ECHS1: variants seen among roughly 807,000 people sequenced by gnomAD.
ECHS1 encodes the protein enoyl-CoA hydratase, short chain 1.
ECHS1 carries 19 observed loss-of-function variants against 33.5 expected under a neutral mutation model. The ratio of observed to expected loss-of-function variants is 0.57; its 90% CI spans 0.40 to 0.83. The LOEUF is 0.83. Among genes scored for constraint, ECHS1 ranks in the 40% least tolerant of loss-of-function variants. The pLI is 0.00. For synonymous variants in ECHS1, 158 were observed against 146.6 expected (o/e 1.08, Z -0.56); for missense variants, 365 against 381.3 (o/e 0.96, Z 0.36).
At chr10:133,370,386 AC>A (rs1849087692) in intron 2 of ECHS1, among the ~76,000 whole-genome samples, 173 bp downstream of exon 2, 1 of 152,236 alleles carries the variant, frequency 6.6e-6, no homozygotes, top group Admixed American at 6.5e-5. Context: ...TCTGGCATAC[AC>A]AAAGCTGCTC....
chr10:133,368,781 C>T, intron 4 of ECHS1, 142 bp downstream of exon 4: 2 of 709,140 alleles, frequency 2.8e-6, no homozygotes, highest in Non-Finnish European at 2.3e-6. Context: ...GCCTCCGTGG[C>T]TGTCCACAGA....
Position 133,362,915 on chromosome 10 carries a change from T to A in ECHS1, c.826A>T (p.Met276Leu). ...TTTCTCTTTTCCACAAACGCGGTCATCCCTTCTTTCCGGTCATCCTGGCAG... is the reference window on the plus strand; with the variant it reads ...TTTCTCTTTTCCACAAACGCGGTCAACCCTTCTTTCCGGTCATCCTGGCAG... ...TFATDDRKEG[M>L]TAFVEKRKAN... The change falls in exon 8 of 8, where the codon ATG becomes TTG. Residue 276 changes from methionine (M) to leucine (L), a missense_variant. Met to Leu is a conservative substitution (Grantham distance 15). Transcript: ENST00000368547. 6.2e-7 allele frequency: 1 copy of A among 1,614,132 alleles called. No homozygotes were observed. Among genetic ancestry groups the A allele is most frequent in the South Asian group, 1.1e-5 (1 of 91,082 alleles).
rs1564804595 is a variant in ECHS1, at chr10:133,369,016, CG to C, written c.420del (p.Gly142AlafsTer6). ...CACATCATGGCAAGCTCACAGCCCCCGCCAAACTGTAAAACATTCGGCATCA... is the reference window on the plus strand; with the variant it reads ...CACATCATGGCAAGCTCACAGCCCCCCCAAACTGTAAAACATTCGGCATCA... ...VIAAVNGYAF[G>X]GGCELAMMCD... On this transcript the variant is annotated frameshift_variant, in exon 4 of 8. Transcript: ENST00000368547. LOFTEE classifies it high-confidence loss of function. 1 of 1,613,518 alleles carries C rather than the reference CG, an allele frequency of 6.2e-7. No individual in the cohort carries two copies. The highest frequency in any genetic ancestry group is 1.7e-5 in the Admixed American group (1 of 60,022).
At chr10:133,369,114 A>G (rs1849071371) in intron 3 of ECHS1, 92 bp from the exon 4 acceptor site, 1 of 1,225,584 alleles carries the variant, frequency 8.2e-7, no homozygotes, top group South Asian at 1.3e-5. Context: ...TTTAAAAGAA[A>G]CAGTGTTGGG....
chr10:133,371,219 G>A (rs2133443745), intron 1 of ECHS1, among the ~76,000 whole-genome samples: 1 of 152,252 alleles, frequency 6.6e-6, no homozygotes, highest in Admixed American at 6.5e-5. Context: ...GGAGCTTGCA[G>A]TGAGCTGAGA....
At chr10:133,364,476 A>G (rs772215858) in intron 7 of ECHS1, among the ~76,000 whole-genome samples, 182 bp downstream of exon 7, 7 of 152,166 alleles carry the variant, frequency 4.6e-5, no homozygotes, top group Non-Finnish European at 1.0e-4. Flanking sequence ...GAACTTGTAC[A>G]TGCTCTACTT....
intron 4 of ECHS1, 67 bp from the exon 5 acceptor site, chr10:133,367,060 C>T (rs188457986): frequency 2.2e-6 from 3 of 1,349,156 alleles, no homozygotes; most frequent in Non-Finnish European, 3.1e-6. Flanking sequence ...CACAGCTGTG[C>T]AGCCAGCAAA....
intron 5 of ECHS1, 95 bp from the exon 6 acceptor site, chr10:133,366,190 CA>C: frequency 6.9e-7 from 1 of 1,454,312 alleles, no homozygotes; most frequent in Non-Finnish European, 9.3e-7. Flanking sequence ...GTGGCTGGAG[CA>C]CCCCAGCCTC....
intron 2 of ECHS1, 50 bp from the exon 3 acceptor site, chr10:133,370,081 C>A: frequency 1.2e-6 from 2 of 1,607,814 alleles, no homozygotes; most frequent in South Asian, 2.2e-5. Flanking sequence ...AGAGAGCCCA[C>A]CCATCCTATA....
In ECHS1 at chr10:133,364,741, C is replaced by T; in HGVS notation, c.740-16G>A. The stretch of plus-strand genomic sequence containing the variant: ...ATTTCAAAAGCTGAAAAACAAAGTC[C>T]CAGAGTTATGAACGGAGATATTACA... On this transcript the variant is annotated splice_polypyrimidine_tract_variant and intron_variant, in intron 6 of 7. Transcript: ENST00000368547. 2 of 1,607,768 alleles carry T rather than the reference C, an allele frequency of 1.2e-6. No individual in the cohort carries two copies. Among genetic ancestry groups the T allele is most frequent in the South Asian group, 2.2e-5 (2 of 90,906 alleles).
chr10:133,367,225 G>A (rs1402037168), intron 4 of ECHS1, among the ~76,000 whole-genome samples: 2 of 152,070 alleles, frequency 1.3e-5, no homozygotes, highest in African/African-American at 4.8e-5. Flanking sequence ...TAGGTGCCGA[G>A]GCAAGAGACT....
Position 133,362,636 on chromosome 10 carries a change from G to A in ECHS1, c.*232C>T, listed in dbSNP as rs1324526614. 1 of 572,568 alleles carries A rather than the reference G, an allele frequency of 1.7e-6. No individual in the cohort carries two copies. The allele number at this position is 572,568 out of a possible 1,614,324, so 35.5% of individuals were successfully genotyped here. On this transcript the variant is annotated 3_prime_UTR_variant, in exon 8 of 8. Coordinates refer to ENST00000368547, the MANE Select transcript of ECHS1 (RefSeq NM_004092.4). Reference sequence around the variant, plus strand: ...ACAGCATGCCCAGAGGGACCAGCGGGGGCTCCTCAGCAGAATCTTAGATTT... The same window carrying A: ...ACAGCATGCCCAGAGGGACCAGCGGAGGCTCCTCAGCAGAATCTTAGATTT...
Position 133,362,910 on chromosome 10 carries a change from G to T in ECHS1, c.831C>A (p.Thr277=), listed in dbSNP as rs769725255. ...FATDDRKEGM[T]AFVEKRKANF... is the part of the protein sequence containing the mutation. ...TGGCCTTTCTCTTTTCCACAAACGC[G>T]GTCATCCCTTCTTTCCGGTCATCCT... The change falls in exon 8 of 8, where the codon ACC becomes ACA. Residue 277 remains threonine (T), a synonymous_variant. Transcript: ENST00000368547. The T allele has an allele frequency of 5.6e-6, 9 of 1,613,994 alleles. No individual in the cohort carries two copies. In the Admixed American group the frequency reaches 1.5e-4, roughly 27 times the overall value.
At chr10:133,368,730 G>A (rs1349712617) in intron 4 of ECHS1, among the ~76,000 whole-genome samples, 193 bp downstream of exon 4, 1 of 152,100 alleles carries the variant, frequency 6.6e-6, no homozygotes, top group Non-Finnish European at 1.5e-5. Context: ...CACAGTCCCG[G>A]GACTCTAAGG....
At chr10:133,372,034 C>T (rs562199098) in intron 1 of ECHS1, among the ~76,000 whole-genome samples, 1 of 152,272 alleles carries the variant, frequency 6.6e-6, no homozygotes, top group Admixed American at 6.5e-5. Context: ...TCAGGTGATC[C>T]ACCTGCCTCA....
rs542673231 is a variant in ECHS1 at position 133,370,871 on chromosome 10, G to A, written c.89-114C>T. ...ACAGTGTGACCCCAAGAGGCCCTCT[G>A]AGGGCTCCCTGCCGAGTCCTCAGTG... is the stretch of plus-strand genomic sequence containing the variant. On this transcript the variant is annotated intron_variant, in intron 1 of 7. Coordinates refer to ENST00000368547, the MANE Select transcript of ECHS1 (RefSeq NM_004092.4). 3.4e-5 allele frequency: 37 copies of A among 1,073,808 alleles called. No individual in the cohort carries two copies. The East Asian group carries it at 8.7e-4, about 25-fold the overall frequency. 66.5% of individuals were successfully genotyped at this position (1,073,808 alleles called of 1,614,324 possible). A position where few individuals can be genotyped will look rare whatever the true frequency, so the allele number is the denominator to read the frequency against.
chr10:133,364,749 A>G, intron 6 of ECHS1, 24 bp from the exon 7 acceptor site: 2 of 1,590,352 alleles, frequency 1.3e-6, no homozygotes, highest in Non-Finnish European at 1.7e-6. Context: ...TCCCAGAGTT[A>G]TGAACGGAGA....
intron 4 of ECHS1, 80 bp downstream of exon 4, chr10:133,368,843 T>A: frequency 7.5e-7 from 1 of 1,336,466 alleles, no homozygotes; most frequent in Non-Finnish European, 1.1e-6. Context: ...TGGTCAGATA[T>A]GAGCTGTGGG....
At chr10:133,373,159 G>A (rs1264242118) in intron 1 of ECHS1, 87 bp downstream of exon 1, 4 of 1,109,742 alleles carry the variant, frequency 3.6e-6, no homozygotes, top group Non-Finnish European at 4.7e-6. Context: ...GGTCAGGTGG[G>A]AGGGGGGTGC....
Sources: gnomAD v4.1 joint callset for allele counts (sites outside exome capture counted in the v4.1 genomes callset) on GRCh38, gnomAD v4.1.1 for gene constraint, MANE v1.5 for transcripts, NCBI Gene and HGNC (gene_info 2026-07-23, HGNC 2026-07-21) for gene names.